Variants in CT47C1 observed in about 807,000 individuals in gnomAD.
CT47C1 encodes cancer/testis antigen family 47 member C1, also known as cancer/testis antigen family 47 member A11 pseudogene.
chrX:119,073,501 TGAGGAGGAGGAAGAGGAG>T, the CT47C1 span: 7 of 509,692 alleles, frequency 1.4e-5, no homozygotes, highest in Middle Eastern at 1.6e-3. Flanking sequence ...AGGAGGAGGA[TGAGGAGGAGGAAGAGGAG>T]GAGGAGGAGG....
the CT47C1 span, chrX:119,074,075 G>A: frequency 4.6e-3 from 2,354 of 509,727 alleles, 41 homozygotes; most frequent in African/African-American, 0.047. Context: ...TGCTGCCCCT[G>A]AGGGTGAGGA....
chrX:119,074,840 G>A, the CT47C1 span: 13 of 818,801 alleles, frequency 1.6e-5, no homozygotes, highest in African/African-American at 1.6e-4. Flanking sequence ...TCCTTTCTTA[G>A]TTAAGTCTAT....
At chrX:119,076,383 A>G in the CT47C1 span, 7 of 112,742 alleles carry the variant, frequency 6.2e-5, no homozygotes, top group East Asian at 1.9e-3. Context: ...ATAAATTGAA[A>G]CATGGGGAGA....
At chrX:119,074,953 G>A in the CT47C1 span, 1 of 1,033,200 alleles carries the variant, frequency 9.7e-7, no homozygotes, top group Non-Finnish European at 1.3e-6. Flanking sequence ...ATTATTCTTC[G>A]CTAAAGAAGT....
chrX:119,074,093 A>G, the CT47C1 span: 1 of 497,089 alleles, frequency 2.0e-6, no homozygotes, highest in Non-Finnish European at 3.5e-6. Context: ...GGAACAGGCT[A>G]TCTGCAGTGG....
chrX:119,074,119 C>A, the CT47C1 span: 1 of 482,445 alleles, frequency 2.1e-6, no homozygotes, highest in Non-Finnish European at 3.6e-6. Context: ...AGACAGGGAC[C>A]CGTGCACCCA....
chrX:119,073,578 G>A, the CT47C1 span: 17 of 529,362 alleles, frequency 3.2e-5, no homozygotes, highest in Middle Eastern at 3.1e-4. Context: ...GCCGCCCGTC[G>A]CTACCCCATA....
chrX:119,075,066 C>T, the CT47C1 span: 1 of 1,088,091 alleles, frequency 9.2e-7, no homozygotes, highest in Non-Finnish European at 1.3e-6. Context: ...AGGTGAAGAA[C>T]TCCAAAGGGA....
the CT47C1 span, chrX:119,073,659 TCCTGATCAGGATGCGTGGCGGCCG>T: frequency 1.7e-6 from 1 of 582,560 alleles, no homozygotes; most frequent in Admixed American, 2.8e-5. Context: ...AACGACCACA[TCCTGATCAGGATGCGTGGCGGCCG>T]CCTGATGCGG....
chrX:119,073,579 C>A, the CT47C1 span: 2 of 532,199 alleles, frequency 3.8e-6, no homozygotes, highest in Non-Finnish European at 3.4e-6. Flanking sequence ...CCGCCCGTCG[C>A]TACCCCATAA....
At chrX:119,075,084 G>A in the CT47C1 span, 5 of 1,083,631 alleles carry the variant, frequency 4.6e-6, no homozygotes, top group East Asian at 6.0e-5. Context: ...GGACCTAGAC[G>A]CAGCAGAGGG....
the CT47C1 span, chrX:119,073,565 G>T: frequency 1.9e-6 from 1 of 524,077 alleles, no homozygotes; most frequent in Non-Finnish European, 3.5e-6. Flanking sequence ...CGACTTGGTC[G>T]CGGCCGCCCG....
chrX:119,073,372 G>T, the CT47C1 span: 1 of 537,365 alleles, frequency 1.9e-6, no homozygotes, highest in Non-Finnish European at 3.4e-6. Context: ...GAGTCGCAGG[G>T]CCCATGAGAG....
chrX:119,073,942 C>T, the CT47C1 span: 1 of 797,408 alleles, frequency 1.3e-6, no homozygotes, highest in South Asian at 2.1e-5. Context: ...CAGAGGAGGC[C>T]TCAGAGAAGC....
the CT47C1 span, chrX:119,074,918 G>T: frequency 3.0e-6 from 3 of 1,004,918 alleles, no homozygotes; most frequent in Non-Finnish European, 2.8e-6. Context: ...TATATTTTCT[G>T]TGAATGTCTG....
chrX:119,073,657 C>T, the CT47C1 span: 2 of 577,522 alleles, frequency 3.5e-6, no homozygotes, highest in East Asian at 3.3e-5. Context: ...ACAACGACCA[C>T]ATCCTGATCA....
At chrX:119,075,466 G>T in the CT47C1 span, among the ~76,000 whole-genome samples, 1 of 111,913 alleles carries the variant, frequency 8.9e-6, no homozygotes, top group Non-Finnish European at 1.9e-5. Context: ...GCCACACATT[G>T]GTTGGGACTT....
At chrX:119,073,340 G>A in the CT47C1 span, 5 of 525,827 alleles carry the variant, frequency 9.5e-6, no homozygotes, top group African/African-American at 4.5e-5. Context: ...CTCTGGCCCC[G>A]ACAGTGGCAA....
the CT47C1 span, among the ~76,000 whole-genome samples, chrX:119,075,731 CTTTTTTT>C: frequency 5.7e-5 from 5 of 87,159 alleles, no homozygotes; most frequent in Non-Finnish European, 9.4e-5. Flanking sequence ...TTTCTTTTTT[CTTTTTTT>C]TTTTTTTTGC....
Sources: gnomAD v4.1 joint callset for allele counts (sites outside exome capture counted in the v4.1 genomes callset) on GRCh38, gnomAD v4.1.1 for gene constraint, MANE v1.5 for transcripts, NCBI Gene and HGNC (gene_info 2026-07-23, HGNC 2026-07-21) for gene names.